The following CIB2 variants were observed in gnomAD, a reference collection of about 807,000 sequenced individuals.
The protein encoded by CIB2 is calcium and integrin-binding family member 2.
Under a neutral mutation model 23.1 loss-of-function variants are expected in CIB2, and 19 were observed. That is an observed-to-expected ratio of 0.82 (90% CI 0.57 to 1.21). CIB2 has a LOEUF of 1.21. Among genes scored for constraint, CIB2 ranks in the 50% most tolerant of loss-of-function variants. The pLI is 0.00. For missense variants in CIB2, 220 were observed against 241.5 expected, an observed-to-expected ratio of 0.91 and a Z score of 0.59; for synonymous variants, 94 against 91.7, an observed-to-expected ratio of 1.03 and a Z score of -0.14.
intron 2 of CIB2, among the ~76,000 whole-genome samples, chr15:78,120,256 A>G (rs1327338185): frequency 6.6e-6 from 1 of 152,196 alleles, no homozygotes; most frequent in Non-Finnish European, 1.5e-5. Context: ...GGCATAATAT[A>G]TACCAAAAGA....
At chr15:78,108,889 T>G (rs1340200954) in intron 4 of CIB2, among the ~76,000 whole-genome samples, 1 of 152,206 alleles carries the variant, frequency 6.6e-6, no homozygotes, top group African/African-American at 2.4e-5. Flanking sequence ...CGCTTCCCTG[T>G]GTCTGCATGG....
intron 3 of CIB2, 135 bp downstream of exon 3, chr15:78,111,030 C>A: frequency 1.3e-6 from 1 of 751,120 alleles, no homozygotes. Context: ...AACTGAGGCA[C>A]AGAGAGGTTC....
At position 78,105,919 on chromosome 15, in the gene CIB2, T is replaced by C. The variant is rs1247582322; in HGVS notation, c.362A>G (p.Asn121Ser). ...CTCCAGGTCCTCCTTGCAGATGAAG[T>C]TGTCAGTGTTGAAGTCTGTAGGGCA... ...AFKIYDFNTD[N>S]FICKEDLELT... Residue 121 changes from asparagine to serine, a missense_variant, in exon 5 of 6, where the codon AAC (asparagine) becomes AGC (serine). By Grantham distance (46) the Asn-to-Ser change is conservative. Transcript: ENST00000258930. 1.2e-6 allele frequency: 2 copies of C among 1,614,106 alleles called. No homozygotes were observed. The highest frequency in any genetic ancestry group is 1.7e-6 in the Non-Finnish European group (2 of 1,180,004).
At chr15:78,128,093 T>C (rs771613559) in intron 1 of CIB2, among the ~76,000 whole-genome samples, 19 of 152,136 alleles carry the variant, frequency 1.2e-4, no homozygotes, top group African/African-American at 3.9e-4. Flanking sequence ...GAAGCTGGAG[T>C]GTAAACAGTG....
At chr15:78,109,772 A>C (rs2074128120) in intron 3 of CIB2, among the ~76,000 whole-genome samples, 1 of 136,098 alleles carries the variant, frequency 7.3e-6, no homozygotes. Context: ...GTCCCACTGC[A>C]CTCCAGCCTG....
chr15:78,120,900 C>G (rs763432390), intron 2 of CIB2, among the ~76,000 whole-genome samples: 1 of 152,170 alleles, frequency 6.6e-6, no homozygotes. Context: ...ATGAGCATGG[C>G]CTGGGGCTGG....
At chr15:78,130,705 T>C (rs2074441730) in intron 1 of CIB2, among the ~76,000 whole-genome samples, 1 of 152,098 alleles carries the variant, frequency 6.6e-6, no homozygotes. Context: ...AGACTGCATG[T>C]GGGGACTGAT....
At chr15:78,106,797 C>A (rs889280299) in intron 4 of CIB2, among the ~76,000 whole-genome samples, 4 of 152,174 alleles carry the variant, frequency 2.6e-5, no homozygotes, top group African/African-American at 9.7e-5. Context: ...AAATGAGCTT[C>A]TGTTGCCCAT....
At chr15:78,122,323 G>A (rs2074331217) in intron 2 of CIB2, among the ~76,000 whole-genome samples, 1 of 152,244 alleles carries the variant, frequency 6.6e-6, no homozygotes, top group Non-Finnish European at 1.5e-5. Flanking sequence ...GCCGAGGCAA[G>A]GGGCTTTTGT....
intron 4 of CIB2, 35 bp downstream of exon 4, chr15:78,109,200 C>CCGGGG: frequency 8.6e-7 from 1 of 1,159,170 alleles, no homozygotes; most frequent in Non-Finnish European, 1.2e-6. Context: ...GTTCCCCCAC[C>CCGGGG]GCATATTCAG....
At position 78,109,316 on chromosome 15, in the gene CIB2, T is replaced by C. The variant is rs1184988795; in HGVS notation, c.265A>G (p.Asn89Asp). The C allele has an allele frequency of 6.2e-7, 1 of 1,614,088 alleles. No homozygotes were observed. The highest frequency in any genetic ancestry group is 1.7e-5 in the Admixed American group (1 of 60,018). The change falls in exon 4 of 6, where the codon AAC (asparagine) becomes GAC (aspartate). Residue 89 changes from asparagine (N) to aspartate (D), a missense_variant. Asn to Asp is a conservative substitution (Grantham distance 23, BLOSUM62 1). Transcript: ENST00000258930. ...SEDGEGNLTF[N>D]DFVDMFSVLC... ...ACGGAAAACATGTCCACAAAGTCGT[T>C]GAAAGTGAGGTTCCCCTCACCATCC...
chr15:78,109,454 C>T (rs762296635), intron 3 of CIB2, 72 bp from the exon 4 acceptor site: 3 of 1,585,952 alleles, frequency 1.9e-6, no homozygotes, highest in Non-Finnish European at 8.6e-7. Flanking sequence ...AGACTGTGGA[C>T]AGCCTGTGTG....
At chr15:78,105,495 G>C (rs1266319283) in intron 5 of CIB2, 163 bp from the exon 6 acceptor site, 2 of 1,504,936 alleles carry the variant, frequency 1.3e-6, no homozygotes, top group South Asian at 1.3e-5. Flanking sequence ...GAAGACGGAG[G>C]AACAGCGGTG....
chr15:78,106,718 T>C (rs2074076268), intron 4 of CIB2, among the ~76,000 whole-genome samples: 1 of 152,172 alleles, frequency 6.6e-6, no homozygotes. Context: ...CTGGTCATCC[T>C]TCAAATTTTG....
At position 78,105,270 on chromosome 15, in the gene CIB2, G is replaced by A. The variant is rs78925218; in HGVS notation, c.*41C>T. 202 of 1,613,424 alleles carry A rather than the reference G, an allele frequency of 1.3e-4. No individual in the cohort carries two copies. In the East Asian group the frequency reaches 4.3e-3, roughly 34 times the overall value. On this transcript the variant is annotated 3_prime_UTR_variant, in exon 6 of 6. Coordinates refer to ENST00000258930, the MANE Select transcript of CIB2 (RefSeq NM_006383.4). The stretch of plus-strand genomic sequence containing the variant: ...GCCACACCCATGTGACTGCAGGGCA[G>A]GATGGTGGACTTCTAGGCCCCTACA...
chr15:78,110,507 G>T, intron 3 of CIB2: 1 of 384,014 alleles, frequency 2.6e-6, no homozygotes, highest in Non-Finnish European at 5.2e-6. Flanking sequence ...GGCCTGGCAA[G>T]GGGCTACTGA....
intron 4 of CIB2, among the ~76,000 whole-genome samples, chr15:78,108,424 C>T (rs2074102920): frequency 6.6e-6 from 1 of 152,086 alleles, no homozygotes; most frequent in Non-Finnish European, 1.5e-5. Context: ...ATGGGTCTGT[C>T]AGGCCAGCAG....
chr15:78,130,222 T>C (rs774370074), intron 1 of CIB2, among the ~76,000 whole-genome samples: 4 of 150,838 alleles, frequency 2.7e-5, no homozygotes, highest in Non-Finnish European at 5.9e-5. Context: ...ATGTGGGACT[T>C]GAAGGGTGAA....
chr15:78,125,312 G>T (rs1476137952), intron 1 of CIB2, among the ~76,000 whole-genome samples: 1 of 152,122 alleles, frequency 6.6e-6, no homozygotes, highest in African/African-American at 2.4e-5. Context: ...ATGGTCTAAG[G>T]TGCCCAGTGA....
Sources: gnomAD v4.1 joint callset for allele counts (sites outside exome capture counted in the v4.1 genomes callset) on GRCh38, gnomAD v4.1.1 for gene constraint, MANE v1.5 for transcripts, NCBI Gene and HGNC (gene_info 2026-07-23, HGNC 2026-07-21) for gene names.